DCXR: variants seen among roughly 807,000 people sequenced by gnomAD.
DCXR encodes dicarbonyl and L-xylulose reductase, also known as L-xylulose reductase.
In DCXR, 24 loss-of-function variants were observed where a neutral mutation model predicts 25.9. The ratio of observed to expected loss-of-function variants is 0.93; its 90% CI spans 0.67 to 1.30. DCXR has a LOEUF of 1.30. Among genes scored for constraint, DCXR ranks in the 50% most tolerant of loss-of-function variants. DCXR has a pLI of 0.00. For missense variants in DCXR, 348 were observed against 333.7 expected (o/e 1.04, Z -0.33); for synonymous variants, 161 against 141.7 (o/e 1.14, Z -0.97).
At chr17:82,037,270 AC>A in intron 2 of DCXR, 179 bp downstream of exon 2, 1 of 901,790 alleles carries the variant, frequency 1.1e-6, no homozygotes, top group Non-Finnish European at 1.6e-6. Flanking sequence ...GGCTCTGCCG[AC>A]CACCCGGCCG....
Position 82,036,226 on chromosome 17 carries a change from G to A in DCXR, c.596C>T (p.Thr199Ile). 2.5e-6 allele frequency: 4 copies of A among 1,613,712 alleles called. No homozygotes were observed. The highest frequency in any genetic ancestry group is 3.4e-6 in the Non-Finnish European group (4 of 1,180,016). ...ATWSDPHKAK[T>I]MLNRIPLGKF... ...GCCAAGTGGGATTCGGTTCAGCATA[G>A]TCTTGGCCTTGTGGGGGTCACTCCA... Residue 199 changes from threonine to isoleucine, a missense_variant, in exon 7 of 8, where the codon ACT becomes ATT. By Grantham distance (89) the Thr-to-Ile change is moderately conservative. Transcript: ENST00000306869.
chr17:82,037,014 CTGTG>C lies in DCXR; in HGVS notation c.151-5_151-2del, dbSNP rs777584074. On this transcript the variant is annotated splice_acceptor_variant and splice_polypyrimidine_tract_variant and intron_variant, in intron 2 of 7. Coordinates refer to ENST00000306869, the MANE Select transcript of DCXR (RefSeq NM_016286.4). LOFTEE classifies it high-confidence loss of function. Reference sequence around the variant, plus strand: ...CGCACACGGGTTCTATCCCCGGGCACTGTGTGTATCAGGGGGCAGTTACCAGAGG... The same window carrying C: ...CGCACACGGGTTCTATCCCCGGGCACTGTATCAGGGGGCAGTTACCAGAGG... 20 of 1,556,850 alleles carry C rather than the reference CTGTG, an allele frequency of 1.3e-5. No individual in the cohort carries two copies. The highest frequency in any genetic ancestry group is 1.5e-5 in the Non-Finnish European group (17 of 1,151,152).
chr17:82,037,043 G>T, intron 2 of DCXR, 30 bp from the exon 3 acceptor site: 2 of 1,549,630 alleles, frequency 1.3e-6, no homozygotes, highest in Non-Finnish European at 8.7e-7. Context: ...GTTACCAGAG[G>T]CTCTGTGCCC....
intron 2 of DCXR, 103 bp downstream of exon 2, chr17:82,037,347 G>C: frequency 3.2e-6 from 4 of 1,259,868 alleles, no homozygotes; most frequent in Non-Finnish European, 4.2e-6. Flanking sequence ...GAAGCGCAGC[G>C]CCCGCGAGGG....
rs753355351 is a variant in DCXR at position 82,036,704 on chromosome 17, C to A, written c.348+17G>T. 5 of 1,613,652 alleles carry A rather than the reference C, an allele frequency of 3.1e-6. No homozygotes were observed. In the Admixed American group the frequency reaches 8.3e-5, roughly 27 times the overall value. ...ATCACTCACGAGAATTCCCGTCCAG[C>A]CCACAGGGCAGCTCACCTGCGACAC... is the stretch of plus-strand genomic sequence containing the variant. On this transcript the variant is annotated intron_variant, in intron 4 of 7. Coordinates refer to ENST00000306869, the MANE Select transcript of DCXR (RefSeq NM_016286.4).
At position 82,036,402 on chromosome 17, in the gene DCXR, T is replaced by C. The variant is rs1225587967; in HGVS notation, c.495A>G (p.Leu165=). ...ALDMLTKVMA[L]ELGPHKIRVN... ...TGCTCACCTTGTGGGGCCCGAGCTC[T>C]AGGGCCATCACCTTGGTCAGCATGT... is the stretch of plus-strand genomic sequence containing the variant. Residue 165 remains leucine, a synonymous_variant, in exon 6 of 8, where the codon CTA becomes CTG. Coordinates refer to ENST00000306869, the MANE Select transcript of DCXR (RefSeq NM_016286.4). 2 of 1,613,366 alleles carry C rather than the reference T, an allele frequency of 1.2e-6. No homozygotes were observed. Among genetic ancestry groups the C allele is most frequent in the Non-Finnish European group, 1.7e-6 (2 of 1,179,968 alleles).
chr17:82,036,210 G>T lies in DCXR; in HGVS notation c.612C>A (p.Ile204=). The change falls in exon 7 of 8, where the codon ATC becomes ATA. Residue 204 remains isoleucine, a synonymous_variant. Transcript: ENST00000306869. Reference sequence around the variant, plus strand: ...ACTCACCAGCAAACTTGCCAAGTGGGATTCGGTTCAGCATAGTCTTGGCCT... The same window carrying T: ...ACTCACCAGCAAACTTGCCAAGTGGTATTCGGTTCAGCATAGTCTTGGCCT... The part of the protein sequence containing the change: ...PHKAKTMLNR[I]PLGKFAEVEH... 6.2e-7 allele frequency: 1 copy of T among 1,613,648 alleles called. No homozygotes were observed. The highest frequency in any genetic ancestry group is 1.3e-5 in the African/African-American group (1 of 75,038).
intron 2 of DCXR, 75 bp from the exon 3 acceptor site, chr17:82,037,088 C>T: frequency 6.5e-7 from 1 of 1,530,418 alleles, no homozygotes; most frequent in Non-Finnish European, 8.8e-7. Context: ...GGGCTGGTGA[C>T]CTTTCAGCCG....
chr17:82,037,078 G>C, intron 2 of DCXR, 65 bp from the exon 3 acceptor site: 2 of 1,540,756 alleles, frequency 1.3e-6, no homozygotes, highest in East Asian at 2.4e-5. Context: ...CTGGGGACTG[G>C]GGCTGGTGAC....
Position 82,036,685 on chromosome 17 carries a change from C to G in DCXR, c.348+36G>C, listed in dbSNP as rs76055808. The G allele has an allele frequency of 1.4e-3, 2,297 of 1,613,518 alleles. 36 individuals carry two copies. In the African/African-American group the frequency reaches 0.028, roughly 20 times the overall value. ...ACCGTGAGGCAGAGCTGGCATCACT[C>G]ACGAGAATTCCCGTCCAGCCCACAG... On this transcript the variant is annotated intron_variant, in intron 4 of 7. Coordinates refer to ENST00000306869, the MANE Select transcript of DCXR (RefSeq NM_016286.4).
At chr17:82,037,133 G>C in intron 2 of DCXR, 120 bp from the exon 3 acceptor site, 1 of 1,299,192 alleles carries the variant, frequency 7.7e-7, no homozygotes, top group South Asian at 1.3e-5. Context: ...CGAAGGTGTC[G>C]GGACTGTGGG....
At position 82,037,467 on chromosome 17, in the gene DCXR, C is replaced by G. The variant is rs972691006; in HGVS notation, c.133G>C (p.Asp45His). 1 of 1,531,856 alleles carries G rather than the reference C, an allele frequency of 6.5e-7. No homozygotes were observed. The highest frequency in any genetic ancestry group is 2.0e-5 in the Admixed American group (1 of 51,164). The allele number at this position is 1,531,856 out of a possible 1,614,324, so 94.9% of individuals were successfully genotyped here. A position where few individuals can be genotyped will look rare whatever the true frequency, so the allele number is the denominator to read the frequency against. The change falls in exon 2 of 8, where the codon GAC (aspartate) becomes CAC (histidine). Residue 45 changes from aspartate to histidine, a missense_variant. Coordinates refer to ENST00000306869, the MANE Select transcript of DCXR (RefSeq NM_016286.4). ...GGACCTACCTCGCGGACAAGGCTGT[C>G]AAGATCCGCCTGAGTCCGGCTCACA... The part of the protein sequence containing the change: ...VAVSRTQADL[D>H]SLVRECPGIE...
Position 82,037,683 on chromosome 17 carries a change from G to T in DCXR, c.-1C>A. ...GGCGGCCCGCGAGGAACAGCTCCATGTCGGCGCAGTCTCCGCCCTCCGCAC... is the reference window on the plus strand; with the variant it reads ...GGCGGCCCGCGAGGAACAGCTCCATTTCGGCGCAGTCTCCGCCCTCCGCAC... On this transcript the variant is annotated 5_prime_UTR_variant, in exon 1 of 8. Transcript: ENST00000306869. 1.9e-6 allele frequency: 3 copies of T among 1,589,668 alleles called. No homozygotes were observed. Among genetic ancestry groups the T allele is most frequent in the Non-Finnish European group, 2.6e-6 (3 of 1,175,778 alleles).
At position 82,037,458 on chromosome 17, in the gene DCXR, C is replaced by A; in HGVS notation, c.142G>T (p.Val48Phe). The part of the protein sequence containing the change: ...SRTQADLDSL[V>F]RECPGIEPVC... ...GACCCGGCGGGACCTACCTCGCGGA[C>A]AAGGCTGTCAAGATCCGCCTGAGTC... The change falls in exon 2 of 8, where the codon GTC (valine) becomes TTC (phenylalanine). Residue 48 changes from valine (V) to phenylalanine (F), a missense_variant. Physicochemically the swap from Val to Phe is conservative, Grantham distance 50. Coordinates refer to ENST00000306869, the MANE Select transcript of DCXR (RefSeq NM_016286.4). The A allele has an allele frequency of 6.5e-7, 1 of 1,528,868 alleles. No homozygotes were observed. Among genetic ancestry groups the A allele is most frequent in the Non-Finnish European group, 8.7e-7 (1 of 1,145,100 alleles). 94.7% of individuals were successfully genotyped at this position (1,528,868 alleles called of 1,614,324 possible). A position where few individuals can be genotyped will look rare whatever the true frequency, so the allele number is the denominator to read the frequency against.
intron 2 of DCXR, 130 bp from the exon 3 acceptor site, chr17:82,037,143 G>A: frequency 8.1e-7 from 1 of 1,241,778 alleles, no homozygotes; most frequent in South Asian, 1.4e-5. Context: ...GGGACTGTGG[G>A]GCCAGCAGCC....
rs771332809 is a variant in DCXR, at chr17:82,036,175, C to A, written c.631+16G>T. 1 of 1,612,136 alleles carries A rather than the reference C, an allele frequency of 6.2e-7. No homozygotes were observed. The highest frequency in any genetic ancestry group is 1.1e-5 in the South Asian group (1 of 90,990). On this transcript the variant is annotated intron_variant, in intron 7 of 7. Coordinates refer to ENST00000306869, the MANE Select transcript of DCXR (RefSeq NM_016286.4). ...GACTGCTGGCACCACGCTGGCTGGG[C>A]TCCCACCTGACTCACCAGCAAACTT...
Position 82,037,683 on chromosome 17 carries a change from G to A in DCXR, c.-1C>T, listed in dbSNP as rs1688687500. The A allele has an allele frequency of 1.3e-6, 2 of 1,589,668 alleles. No individual in the cohort carries two copies. Among genetic ancestry groups the A allele is most frequent in the Non-Finnish European group, 8.5e-7 (1 of 1,175,778 alleles). On this transcript the variant is annotated 5_prime_UTR_variant, in exon 1 of 8. Coordinates refer to ENST00000306869, the MANE Select transcript of DCXR (RefSeq NM_016286.4). ...GGCGGCCCGCGAGGAACAGCTCCAT[G>A]TCGGCGCAGTCTCCGCCCTCCGCAC... is the stretch of plus-strand genomic sequence containing the variant.
chr17:82,036,892 G>T lies in DCXR; in HGVS notation c.272C>A (p.Pro91His), dbSNP rs1350989127. ...VNNAAVALLQPFLEVTKEAFD... is the reference protein window; with the variant it reads ...VNNAAVALLQHFLEVTKEAFD... ...GGCCTCCTTGGTGACCTCCAGGAAGGGCTGCAGCAGGGCGACAGCGGCGTT... is the reference window on the plus strand; with the variant it reads ...GGCCTCCTTGGTGACCTCCAGGAAGTGCTGCAGCAGGGCGACAGCGGCGTT... Residue 91 changes from proline (P) to histidine (H), a missense_variant, in exon 3 of 8, where the codon CCC becomes CAC. Pro to His is a moderately conservative substitution (Grantham distance 77, BLOSUM62 -2). Coordinates refer to ENST00000306869, the MANE Select transcript of DCXR (RefSeq NM_016286.4). The T allele has an allele frequency of 6.2e-7, 1 of 1,613,142 alleles. No homozygotes were observed. The highest frequency in any genetic ancestry group is 1.7e-5 in the Admixed American group (1 of 60,002).
rs776205242 is a variant in DCXR at position 82,036,388 on chromosome 17, TGG to T, written c.507_508del (p.His170GlnfsTer23). ...AGGTACCCCAGCCCTGCTCACCTTG[TGG>T]GGCCCGAGCTCTAGGGCCATCACCT... On this transcript the variant is annotated frameshift_variant, in exon 6 of 8. Transcript: ENST00000306869. LOFTEE classifies it high-confidence loss of function. The T allele has an allele frequency of 1.5e-5, 24 of 1,613,092 alleles. No individual in the cohort carries two copies. The highest frequency in any genetic ancestry group is 1.9e-5 in the Non-Finnish European group (23 of 1,179,944).
Sources: gnomAD v4.1 joint callset for allele counts on GRCh38, gnomAD v4.1.1 for gene constraint, MANE v1.5 for transcripts, NCBI Gene and HGNC (gene_info 2026-07-23, HGNC 2026-07-21) for gene names.